Variants in WASF2 observed in about 807,000 individuals in gnomAD.
WASF2 encodes actin-binding protein WASF2.
WASF2 carries 14 observed loss-of-function variants against 45.0 expected under a neutral mutation model. The observed-to-expected ratio is 0.31, with a 90% CI of 0.21 to 0.49. WASF2 has a LOEUF of 0.49. WASF2 is among the 20% of genes least tolerant of loss of function. WASF2 has a pLI of 0.99. For synonymous variants in WASF2, 200 were observed against 236.3 expected (o/e 0.85, Z 1.41); for missense variants, 439 against 636.1 (o/e 0.69, Z 3.33).
chr1:27,486,072 G>T lies in WASF2; in HGVS notation c.-44+3914C>A, dbSNP rs867194922. 1.2e-4 allele frequency among the ~76,000 whole-genome samples: 19 copies of T among 152,274 alleles called. No individual in the cohort carries two copies. The Middle Eastern group carries it at 0.017, about 137-fold the overall frequency. ...TTCACTTTATCTGCAAAATGCAAAG[G>T]CTGTGAAAAATAAATTTTTCATTAT... On this transcript the variant is annotated intron_variant, in intron 1 of 8. Coordinates refer to ENST00000618852, the MANE Select transcript of WASF2 (RefSeq NM_006990.5).
chr1:27,485,127 G>A (rs1299067425), intron 1 of WASF2, among the ~76,000 whole-genome samples: 1 of 151,778 alleles, frequency 6.6e-6, no homozygotes, highest in Non-Finnish European at 1.5e-5. Context: ...TCCAGGCTGG[G>A]CAATAAGAGC....
chr1:27,433,342 C>T (rs1451780805), intron 1 of WASF2, among the ~76,000 whole-genome samples: 1 of 152,168 alleles, frequency 6.6e-6, no homozygotes, highest in African/African-American at 2.4e-5. Context: ...CTGTACATAA[C>T]TAGCACCATT....
At chr1:27,477,915 TA>T (rs1557622528) in intron 1 of WASF2, among the ~76,000 whole-genome samples, 3 of 85,030 alleles carry the variant, frequency 3.5e-5, no homozygotes, top group African/African-American at 2.6e-4. Flanking sequence ...AAAAAATAAA[TA>T]AATAAAAAAA....
At chr1:27,468,633 C>T (rs2017647618) in intron 1 of WASF2, among the ~76,000 whole-genome samples, 1 of 150,536 alleles carries the variant, frequency 6.6e-6, no homozygotes, top group Non-Finnish European at 1.5e-5. Context: ...AAGAGCGAAA[C>T]TCCGTCTCCG....
Position 27,454,175 on chromosome 1 carries a change from ATATATATATATATT to A in WASF2, c.-43-25256_-43-25243del, listed in dbSNP as rs2017430403. 1.0e-3 allele frequency among the ~76,000 whole-genome samples: 35 copies of A among 33,952 alleles called. No homozygotes were observed. In the East Asian group the frequency reaches 0.017, roughly 16 times the overall value. The allele number at this position is 33,952 out of a possible 152,430, so 22.3% of individuals were successfully genotyped here. On this transcript the variant is annotated intron_variant, in intron 1 of 8. Transcript: ENST00000618852. ...TGTGTATATATATATATATATATAT[ATATATATATATATT>A]TTTTTTTTTTTTTTTTTTTTAAAGA...
chr1:27,427,526 C>T (rs1472474836), intron 2 of WASF2, among the ~76,000 whole-genome samples: 2 of 152,150 alleles, frequency 1.3e-5, no homozygotes, highest in Non-Finnish European at 2.9e-5. Context: ...GTGCTACTGT[C>T]AGTGTTCCTT....
At chr1:27,419,247 G>C (rs1187234787) in intron 2 of WASF2, among the ~76,000 whole-genome samples, 159 bp from the exon 3 acceptor site, 1 of 152,180 alleles carries the variant, frequency 6.6e-6, no homozygotes, top group Non-Finnish European at 1.5e-5. Flanking sequence ...ACTGCTCTTA[G>C]AGACAGAGAA....
At chr1:27,468,566 G>A (rs761300729) in intron 1 of WASF2, among the ~76,000 whole-genome samples, 1 of 151,894 alleles carries the variant, frequency 6.6e-6, no homozygotes, top group Non-Finnish European at 1.5e-5. Flanking sequence ...ATTTGAACCT[G>A]GGGGACAGAG....
chr1:27,437,699 C>A (rs1107999), intron 1 of WASF2, among the ~76,000 whole-genome samples: 1 of 152,274 alleles, frequency 6.6e-6, no homozygotes, highest in South Asian at 2.1e-4. Context: ...AACTACCCAT[C>A]TAAATGGGCT....
intron 1 of WASF2, among the ~76,000 whole-genome samples, 177 bp from the exon 2 acceptor site, chr1:27,429,110 C>T (rs2017027580): frequency 6.6e-6 from 1 of 150,532 alleles, no homozygotes; most frequent in Admixed American, 6.6e-5. Flanking sequence ...TCTCCCTTGC[C>T]CTTTTTAAGG....
chr1:27,467,504 T>C (rs2017631106), intron 1 of WASF2, among the ~76,000 whole-genome samples: 1 of 149,920 alleles, frequency 6.7e-6, no homozygotes, highest in African/African-American at 2.4e-5. Flanking sequence ...CATTTCACCG[T>C]GTTAGCCAGG....
intron 1 of WASF2, among the ~76,000 whole-genome samples, chr1:27,462,047 G>A (rs548950930): frequency 1.3e-5 from 2 of 149,210 alleles, no homozygotes; most frequent in African/African-American, 2.5e-5. Flanking sequence ...GTGCGATCTC[G>A]GATCACTGCA....
At chr1:27,444,897 G>A (rs1022244051) in intron 1 of WASF2, among the ~76,000 whole-genome samples, 36 of 152,310 alleles carry the variant, frequency 2.4e-4, no homozygotes, top group Admixed American at 9.8e-4. Context: ...CCCGAGGTGA[G>A]TGTCACCACT....
At chr1:27,423,892 C>T (rs978727674) in intron 2 of WASF2, among the ~76,000 whole-genome samples, 2 of 152,146 alleles carry the variant, frequency 1.3e-5, no homozygotes, top group Non-Finnish European at 2.9e-5. Flanking sequence ...ACCCCCTCAC[C>T]CACACTGCAG....
chr1:27,409,709 A>G lies in WASF2; in HGVS notation c.1322T>C (p.Leu441Pro). The change falls in exon 8 of 9, where the codon CTT becomes CCT. Residue 441 changes from leucine (L) to proline (P), a missense_variant. Transcript: ENST00000618852. ...AAATTTACCTTGACGGATGGCTGAA[A>G]GCAGGTCGCTACGGGCATCGCTCAC... is the stretch of plus-strand genomic sequence containing the variant. ...PAVSDARSDL[L>P]SAIRQGFQLR... 1 of 1,500,948 alleles carries G rather than the reference A, an allele frequency of 6.7e-7. No homozygotes were observed. Among genetic ancestry groups the G allele is most frequent in the Non-Finnish European group, 8.9e-7 (1 of 1,124,878 alleles). 93.0% of individuals were successfully genotyped at this position (1,500,948 alleles called of 1,614,324 possible).
chr1:27,429,000 T>TC, intron 1 of WASF2, 67 bp from the exon 2 acceptor site: 16 of 927,570 alleles, frequency 1.7e-5, no homozygotes, highest in Non-Finnish European at 2.5e-5. Flanking sequence ...GCTGTGTGAA[T>TC]CTTTTTTTTT....
rs753046464 is a variant in WASF2, at chr1:27,452,545, G to A, written c.-43-23612C>T. ...ATAAATGAATAAATAGGCCAGACGC[G>A]GTGGCTCGTGCCTGTAATCCCAGCA... is the stretch of plus-strand genomic sequence containing the variant. On this transcript the variant is annotated intron_variant, in intron 1 of 8. Coordinates refer to ENST00000618852, the MANE Select transcript of WASF2 (RefSeq NM_006990.5). Among the ~76,000 whole-genome samples the A allele has an allele frequency of 5.9e-5, 9 of 151,762 alleles. 1 individual carries two copies. Among genetic ancestry groups the A allele is most frequent in the South Asian group, 2.1e-4 (1 of 4,814 alleles).
chr1:27,485,950 T>C (rs2017917723), intron 1 of WASF2, among the ~76,000 whole-genome samples: 1 of 152,230 alleles, frequency 6.6e-6, no homozygotes, highest in Non-Finnish European at 1.5e-5. Flanking sequence ...GACCTTGTGA[T>C]CTGCCCGCCT....
intron 5 of WASF2, 146 bp downstream of exon 5, chr1:27,415,837 GGT>G (rs2016819452): frequency 1.5e-6 from 1 of 660,492 alleles, no homozygotes; most frequent in Admixed American, 2.4e-5. Context: ...GGTTGTGCTT[GGT>G]GTGGACACAT....
Sources: allele counts gnomAD v4.1 joint callset (sites outside exome capture counted in the v4.1 genomes callset), GRCh38; gene constraint gnomAD v4.1.1; transcripts MANE v1.5; gene names NCBI Gene and HGNC (gene_info 2026-07-23, HGNC 2026-07-21).